L3MBTL4: variants seen among roughly 807,000 people sequenced by gnomAD.
L3MBTL4 encodes lethal(3)malignant brain tumor-like protein 4.
Under a neutral mutation model 84.5 loss-of-function variants are expected in L3MBTL4, and 70 were observed. The ratio of observed to expected loss-of-function variants is 0.83; its 90% CI spans 0.68 to 1.01. L3MBTL4 has a LOEUF of 1.01. Among genes scored for constraint, L3MBTL4 ranks in the 50% least tolerant of loss-of-function variants. The probability of loss-of-function intolerance (pLI) is 0.00; values close to 1 mark genes in which losing one functional copy is unlikely to be tolerated. For synonymous variants in L3MBTL4, 274 were observed against 259.8 expected, an observed-to-expected ratio of 1.05 and a Z score of -0.52; for missense variants, 715 against 754.8, an observed-to-expected ratio of 0.95 and a Z score of 0.62.
At chr18:6,196,244 A>G (rs975614108) in intron 12 of L3MBTL4, among the ~76,000 whole-genome samples, 290 of 140,300 alleles carry the variant, frequency 2.1e-3, no homozygotes, top group African/African-American at 6.4e-3. Flanking sequence ...TGCAAGCTCC[A>G]CCTCCCGGGT....
At chr18:6,002,094 G>T (rs1274869671) in intron 16 of L3MBTL4, among the ~76,000 whole-genome samples, 2 of 152,116 alleles carry the variant, frequency 1.3e-5, no homozygotes, top group Non-Finnish European at 2.9e-5. Flanking sequence ...AGTTATCGAA[G>T]AATTTCTTAG....
chr18:6,233,067 A>C (rs2047063013), intron 10 of L3MBTL4, among the ~76,000 whole-genome samples: 1 of 152,156 alleles, frequency 6.6e-6, no homozygotes, highest in Admixed American at 6.5e-5. Flanking sequence ...AAAGACAAAA[A>C]CCACATGATT....
intron 16 of L3MBTL4, among the ~76,000 whole-genome samples, chr18:6,056,145 G>A (rs1485418674): frequency 6.6e-6 from 1 of 152,000 alleles, no homozygotes; most frequent in Non-Finnish European, 1.5e-5. Flanking sequence ...CAGTGAGACA[G>A]CGATTCTGTC....
chr18:6,339,888 T>A (rs956297985), intron 1 of L3MBTL4, among the ~76,000 whole-genome samples: 1 of 152,148 alleles, frequency 6.6e-6, no homozygotes, highest in African/African-American at 2.4e-5. Flanking sequence ...ATGTTAAAAA[T>A]CTGAATTCTA....
intron 14 of L3MBTL4, among the ~76,000 whole-genome samples, chr18:6,129,612 C>T (rs544563206): frequency 6.6e-6 from 1 of 152,166 alleles, no homozygotes; most frequent in South Asian, 2.1e-4. Flanking sequence ...TATACTAAGT[C>T]TAGATTTTCT....
chr18:6,321,687 T>C (rs2051410873), intron 1 of L3MBTL4, among the ~76,000 whole-genome samples: 2 of 152,128 alleles, frequency 1.3e-5, no homozygotes, highest in Admixed American at 6.5e-5. Context: ...TAAAATGTGG[T>C]ATATATACAC....
At chr18:6,377,403 A>G (rs2086168568) in intron 1 of L3MBTL4, among the ~76,000 whole-genome samples, 1 of 152,130 alleles carries the variant, frequency 6.6e-6, no homozygotes, top group South Asian at 2.1e-4. Context: ...TACACGTGCC[A>G]TGGTGGTTTG....
At chr18:6,134,975 G>A (rs190011788) in intron 14 of L3MBTL4, among the ~76,000 whole-genome samples, 2,305 of 152,252 alleles carry the variant, frequency 0.015, 59 homozygotes, top group African/African-American at 0.053. Flanking sequence ...TGAGATCCCT[G>A]CCCCTGCAGC....
At position 6,351,753 on chromosome 18, in the gene L3MBTL4, A is replaced by G. The variant is rs536157808; in HGVS notation, c.-90-39697T>C. 5.4e-3 allele frequency among the ~76,000 whole-genome samples: 823 copies of G among 151,860 alleles called. 10 individuals are homozygous for G. Among genetic ancestry groups the G allele is most frequent in the African/African-American group, 0.018 (748 of 41,398 alleles). On this transcript the variant is annotated intron_variant, in intron 1 of 18. Transcript: ENST00000317931. Reference sequence around the variant, plus strand: ...TTTTTAGTAGAGACGGGGTTTCACCATGTTAGCCAGGATGGTCTCAATCTC... The same window carrying G: ...TTTTTAGTAGAGACGGGGTTTCACCGTGTTAGCCAGGATGGTCTCAATCTC...
intron 10 of L3MBTL4, among the ~76,000 whole-genome samples, chr18:6,222,328 C>T (rs949230979): frequency 3.4e-4 from 52 of 152,240 alleles, no homozygotes; most frequent in African/African-American, 1.2e-3. Context: ...TGTCAAAGAG[C>T]TCATTTTATA....
Position 6,035,692 on chromosome 18 carries a change from A to G in L3MBTL4, c.1444+45189T>C, listed in dbSNP as rs58538656. Among the ~76,000 whole-genome samples, 1,123 of 152,246 alleles carry G rather than the reference A, an allele frequency of 7.4e-3. 19 individuals are homozygous for G. The highest frequency in any genetic ancestry group is 0.026 in the African/African-American group (1,066 of 41,550). On this transcript the variant is annotated intron_variant, in intron 16 of 18. Transcript: ENST00000317931. ...TTTTTCCAATTCTGTGAAGAAAGTC[A>G]TTGGTAGCTTGATGGGGATGGCATT...
rs970351166 is a variant in L3MBTL4, at chr18:6,030,017, G to A, written c.1444+50864C>T. The A allele has an allele frequency of 7.1e-6, 7 of 985,302 alleles. No homozygotes were observed. The South Asian group carries it at 2.8e-4, about 40-fold the overall frequency. The allele number at this position is 985,302 out of a possible 1,614,324, so 61.0% of individuals were successfully genotyped here. On this transcript the variant is annotated intron_variant, in intron 16 of 18. Transcript: ENST00000317931. Reference sequence around the variant, plus strand: ...AACCATCCAGATGGCCATGGGCAGGGACTGGTCACTTATAGTGTGCCGCTC... The same window carrying A: ...AACCATCCAGATGGCCATGGGCAGGAACTGGTCACTTATAGTGTGCCGCTC...
At chr18:6,194,712 C>T (rs566339412) in intron 12 of L3MBTL4, among the ~76,000 whole-genome samples, 2 of 152,276 alleles carry the variant, frequency 1.3e-5, no homozygotes, top group Admixed American at 1.3e-4. Context: ...GCCCCCAGCA[C>T]TCCTTCCTCA....
At position 5,969,377 on chromosome 18, in the gene L3MBTL4, C is replaced by A. The variant is rs917229606; in HGVS notation, c.1614+16G>T. The stretch of plus-strand genomic sequence containing the variant: ...CAGGCACACCCCAGCCCTGGCCCCC[C>A]AGCAGCTCCACTCACCTCATCCACA... On this transcript the variant is annotated intron_variant, in intron 17 of 18. Transcript: ENST00000317931. 6 of 1,613,510 alleles carry A rather than the reference C, an allele frequency of 3.7e-6. No homozygotes were observed. Among genetic ancestry groups the A allele is most frequent in the Non-Finnish European group, 4.2e-6 (5 of 1,179,988 alleles).
intron 14 of L3MBTL4, among the ~76,000 whole-genome samples, chr18:6,113,266 C>A (rs9948450): frequency 4.6e-5 from 7 of 151,794 alleles, no homozygotes; most frequent in African/African-American, 1.7e-4. Flanking sequence ...TAACTCATAT[C>A]TGATTAGTAT....
intron 16 of L3MBTL4, among the ~76,000 whole-genome samples, chr18:6,068,767 T>C (rs1163354848): frequency 6.6e-6 from 1 of 152,188 alleles, no homozygotes; most frequent in Non-Finnish European, 1.5e-5. Flanking sequence ...TGCCTGATTG[T>C]TGGGGTAGAG....
intron 10 of L3MBTL4, among the ~76,000 whole-genome samples, chr18:6,232,177 A>G (rs2145999509): frequency 6.6e-6 from 1 of 152,172 alleles, no homozygotes; most frequent in South Asian, 2.1e-4. Context: ...TTGCCGTGGT[A>G]TATTACACTG....
chr18:5,964,328 C>T (rs538736196), intron 17 of L3MBTL4, among the ~76,000 whole-genome samples: 19 of 152,306 alleles, frequency 1.2e-4, no homozygotes, highest in African/African-American at 2.4e-4. Context: ...CTGGCATCAT[C>T]GCTGGAGCTC....
intron 12 of L3MBTL4, among the ~76,000 whole-genome samples, chr18:6,185,510 G>A (rs1003980065): frequency 2.0e-5 from 3 of 152,150 alleles, no homozygotes; most frequent in East Asian, 1.9e-4. Flanking sequence ...AAGTCCCACC[G>A]GAGGGTGGTG....
Sources: gnomAD v4.1 joint callset for allele counts (sites outside exome capture counted in the v4.1 genomes callset) on GRCh38, gnomAD v4.1.1 for gene constraint, MANE v1.5 for transcripts, NCBI Gene and HGNC (gene_info 2026-07-23, HGNC 2026-07-21) for gene names.